FAT3: variants seen among roughly 807,000 people sequenced by gnomAD.
The protein encoded by FAT3 is FAT atypical cadherin 3, also known as protocadherin Fat 3.
FAT3 carries 95 observed loss-of-function variants against 310.2 expected under a neutral mutation model. That is an observed-to-expected ratio of 0.31 (90% CI 0.26 to 0.36). The LOEUF (loss-of-function observed/expected upper bound fraction) is 0.36, where lower values mean the gene tolerates loss of function less well. FAT3 is among the 10% of genes least tolerant of loss of function. FAT3 has a pLI of 1.00. For synonymous variants in FAT3, 2,314 were observed against 2,192.9 expected, an observed-to-expected ratio of 1.06 and a Z score of -1.54; for missense variants, 5,408 against 5,715.6, an observed-to-expected ratio of 0.95 and a Z score of 1.74.
At chr11:92,559,306 C>A in intron 3 of FAT3, 1 of 194,662 alleles carries the variant, frequency 5.1e-6, no homozygotes. Flanking sequence ...TCTCTTATGC[C>A]CTGAGCCCCA....
chr11:92,800,836 G>T lies in FAT3; in HGVS notation c.7823G>T (p.Ser2608Ile), dbSNP rs946213410. Residue 2608 changes from serine (S) to isoleucine (I), a missense_variant, in exon 10 of 28, where the codon AGT becomes ATT. This residue lies in a region of FAT3 where 4,588 missense variants were observed against 4,809.8 expected (regional missense o/e 0.95). Coordinates refer to ENST00000525166, the MANE Select transcript of FAT3 (RefSeq NM_001367949.2). ...PQFMTVEYRASVRADVGRGHL... is the reference protein window; with the variant it reads ...PQFMTVEYRAIVRADVGRGHL... ...TTCATGACAGTGGAATATAGAGCCA[G>T]TGTCAGGGCAGATGTTGGAAGGGGC... 3 of 1,613,814 alleles carry T rather than the reference G, an allele frequency of 1.9e-6. No homozygotes were observed. The highest frequency in any genetic ancestry group is 1.7e-6 in the Non-Finnish European group (2 of 1,179,848).
At chr11:92,336,739 A>G (rs1250885289) in intron 1 of FAT3, among the ~76,000 whole-genome samples, 1 of 152,224 alleles carries the variant, frequency 6.6e-6, no homozygotes, top group Non-Finnish European at 1.5e-5. Context: ...AAATCAAATA[A>G]TCTGAAACTA....
At chr11:92,767,612 C>G (rs144440035) in intron 6 of FAT3, among the ~76,000 whole-genome samples, 4 of 152,284 alleles carry the variant, frequency 2.6e-5, no homozygotes, top group Non-Finnish European at 5.9e-5. Context: ...TGCAACTCTT[C>G]ATCATTCCTG....
intron 3 of FAT3, among the ~76,000 whole-genome samples, chr11:92,625,673 A>T (rs1941298078): frequency 6.6e-6 from 1 of 151,766 alleles, no homozygotes; most frequent in Non-Finnish European, 1.5e-5. Context: ...TTGATGTTTT[A>T]TGGGGTGAGG....
chr11:92,520,390 G>C (rs1239396107), intron 2 of FAT3, among the ~76,000 whole-genome samples: 1 of 152,044 alleles, frequency 6.6e-6, no homozygotes, highest in Non-Finnish European at 1.5e-5. Flanking sequence ...GAGGATGATG[G>C]ATATGTTTGT....
At chr11:92,736,814 A>G (rs1945362982) in intron 4 of FAT3, among the ~76,000 whole-genome samples, 1 of 152,204 alleles carries the variant, frequency 6.6e-6, no homozygotes, top group African/African-American at 2.4e-5. Context: ...TCTCTCAGGT[A>G]CAAATTCAGT....
intron 3 of FAT3, among the ~76,000 whole-genome samples, chr11:92,589,983 G>T (rs2135556390): frequency 6.6e-6 from 1 of 152,218 alleles, no homozygotes; most frequent in African/African-American, 2.4e-5. Flanking sequence ...AATTTCAGTA[G>T]ATTTTTAAGT....
At chr11:92,452,340 C>A (rs562627337) in intron 2 of FAT3, among the ~76,000 whole-genome samples, 29 of 152,246 alleles carry the variant, frequency 1.9e-4, no homozygotes, top group African/African-American at 7.0e-4. Context: ...GAGCATCATT[C>A]TTGTTGCAAA....
chr11:92,489,508 C>T (rs1952537876), intron 2 of FAT3, among the ~76,000 whole-genome samples: 1 of 151,958 alleles, frequency 6.6e-6, no homozygotes, highest in Non-Finnish European at 1.5e-5. Flanking sequence ...GCAGTGGCCT[C>T]TATACGATAG....
At chr11:92,810,295 T>C (rs1304206696) in intron 13 of FAT3, among the ~76,000 whole-genome samples, 1 of 152,270 alleles carries the variant, frequency 6.6e-6, no homozygotes, top group Non-Finnish European at 1.5e-5. Flanking sequence ...GAAGAAGAGA[T>C]ACTAAGAAGT....
At chr11:92,482,689 C>CA (rs1180289508) in intron 2 of FAT3, among the ~76,000 whole-genome samples, 3 of 152,162 alleles carry the variant, frequency 2.0e-5, no homozygotes, top group African/African-American at 7.2e-5. Context: ...AGTAACCTCT[C>CA]AAAACCTCTT....
At chr11:92,275,871 A>G (rs930947482) in intron 1 of FAT3, among the ~76,000 whole-genome samples, 5 of 152,188 alleles carry the variant, frequency 3.3e-5, no homozygotes, top group Admixed American at 2.6e-4. Flanking sequence ...TTAAGAAATG[A>G]AGAAGTTGGA....
In FAT3 at chr11:92,485,691, C is replaced by T. The variant is rs925499088; in HGVS notation, c.3293-38943C>T. On this transcript the variant is annotated intron_variant, in intron 2 of 27. Transcript: ENST00000525166. ...AAATACAGTTACAAATTCATATACA[C>T]TAAATACCATAAGTCCCATGGGAAT... 8.5e-5 allele frequency among the ~76,000 whole-genome samples: 13 copies of T among 152,112 alleles called. No individual in the cohort carries two copies. The South Asian group carries it at 1.0e-3, about 12-fold the overall frequency.
chr11:92,802,239 G>T (rs1591755732), intron 10 of FAT3, among the ~76,000 whole-genome samples: 1 of 152,276 alleles, frequency 6.6e-6, no homozygotes, highest in South Asian at 2.1e-4. Flanking sequence ...TGGTGGAGAG[G>T]TTCTGTTTTT....
chr11:92,428,488 TA>T (rs1490705212), intron 2 of FAT3, among the ~76,000 whole-genome samples: 2 of 152,154 alleles, frequency 1.3e-5, no homozygotes, highest in African/African-American at 4.8e-5. Flanking sequence ...ATGTCAATCT[TA>T]GATCTTCTGC....
chr11:92,762,186 C>G lies in FAT3; in HGVS notation c.3984+16C>G. 1 of 1,598,476 alleles carries G rather than the reference C, an allele frequency of 6.3e-7. No homozygotes were observed. Among genetic ancestry groups the G allele is most frequent in the Non-Finnish European group, 8.5e-7 (1 of 1,171,146 alleles). On this transcript the variant is annotated intron_variant, in intron 5 of 27. Coordinates refer to ENST00000525166, the MANE Select transcript of FAT3 (RefSeq NM_001367949.2). ...CATCCTAACGGTAAGATCTTCCAAA[C>G]TCCAGCAGCACAGCAGATGGGGGGA...
intron 14 of FAT3, among the ~76,000 whole-genome samples, chr11:92,832,225 G>C (rs1948282073): frequency 6.6e-6 from 1 of 152,112 alleles, no homozygotes; most frequent in Non-Finnish European, 1.5e-5. Flanking sequence ...GGTCCCTACT[G>C]CTTGGGACGT....
intron 23 of FAT3, among the ~76,000 whole-genome samples, chr11:92,881,522 T>A (rs1450256280): frequency 2.0e-5 from 3 of 152,224 alleles, no homozygotes; most frequent in Non-Finnish European, 2.9e-5. Context: ...TTAACTGATT[T>A]TGAATCGTTG....
intron 2 of FAT3, among the ~76,000 whole-genome samples, chr11:92,397,525 A>G (rs11822517): frequency 0.035 from 5,263 of 152,192 alleles, 323 homozygotes; most frequent in African/African-American, 0.12. Flanking sequence ...ACTTTTACTT[A>G]TGCAAAGTGG....
Sources: gnomAD v4.1 joint callset for allele counts (sites outside exome capture counted in the v4.1 genomes callset) on GRCh38, gnomAD v4.1.1 for gene constraint, gnomAD v4.1.1 regional missense constraint, MANE v1.5 for transcripts, NCBI Gene and HGNC (gene_info 2026-07-23, HGNC 2026-07-21) for gene names.